The following EPB41 variants were observed in gnomAD, a reference collection of about 807,000 sequenced individuals.
The protein encoded by EPB41 is protein 4.1.
In EPB41, 65 loss-of-function variants were observed where a neutral mutation model predicts 108.0. The ratio of observed to expected loss-of-function variants is 0.60; its 90% CI spans 0.49 to 0.74. EPB41 has a LOEUF of 0.74. Ranked by LOEUF, EPB41 falls within the 30% of genes least tolerant of loss-of-function variation. The pLI, the probability that EPB41 is intolerant of heterozygous loss-of-function variation, is 0.00. For missense variants in EPB41, 875 were observed against 1,037.0 expected (o/e 0.84, Z 2.15); for synonymous variants, 336 against 358.9 (o/e 0.94, Z 0.72).
At position 29,109,354 on chromosome 1, in the gene EPB41, G is replaced by T. The variant is rs758031577; in HGVS notation, c.2332G>T (p.Asp778Tyr). The T allele has an allele frequency of 1.2e-6, 2 of 1,614,116 alleles. No individual in the cohort carries two copies. Among genetic ancestry groups the T allele is most frequent in the Admixed American group, 3.3e-5 (2 of 60,014 alleles). Residue 778 changes from aspartate (D) to tyrosine (Y), a missense_variant, in exon 18 of 21, where the codon GAC becomes TAC. Around this residue, in one of 3 missense-constraint regions of EPB41, gnomAD observed 519 missense variants for 627.3 expected, o/e 0.83. Coordinates refer to ENST00000343067, the MANE Select transcript of EPB41 (RefSeq NM_001376013.1). ...TCTGCAGACTGACGACAACAGTGGAGACTTGGACCCAGGAGTCTTGCTGAC... is the reference window on the plus strand; with the variant it reads ...TCTGCAGACTGACGACAACAGTGGATACTTGGACCCAGGAGTCTTGCTGAC... ...EAAQTDDNSG[D>Y]LDPGVLLTAQ...
intron 15 of EPB41, among the ~76,000 whole-genome samples, chr1:29,063,753 T>G (rs1558202370): frequency 6.6e-6 from 1 of 152,214 alleles, no homozygotes; most frequent in Non-Finnish European, 1.5e-5. Context: ...AAACACAGAA[T>G]TTTTTACAGT....
chr1:28,905,150 G>A (rs1381931582), intron 1 of EPB41, among the ~76,000 whole-genome samples: 1 of 152,010 alleles, frequency 6.6e-6, no homozygotes, highest in African/African-American at 2.4e-5. Flanking sequence ...AGTGAGGCGA[G>A]ATTGCGCCAC....
At chr1:28,936,048 T>G (rs1001563544) in intron 1 of EPB41, among the ~76,000 whole-genome samples, 6 of 152,234 alleles carry the variant, frequency 3.9e-5, no homozygotes, top group Non-Finnish European at 5.9e-5. Context: ...CTTCTTACGC[T>G]GTTCTAACCT....
intron 7 of EPB41, among the ~76,000 whole-genome samples, chr1:29,027,489 G>A (rs1422769878): frequency 9.2e-5 from 14 of 151,796 alleles, no homozygotes; most frequent in South Asian, 2.1e-4. Flanking sequence ...GTGCCACCAC[G>A]CCCGGCTAAT....
chr1:28,919,136 G>C (rs773505092), intron 1 of EPB41, among the ~76,000 whole-genome samples: 5 of 152,190 alleles, frequency 3.3e-5, no homozygotes, highest in African/African-American at 4.8e-5. Flanking sequence ...CCACCTTACT[G>C]ACACTTTGCT....
intron 16 of EPB41, among the ~76,000 whole-genome samples, chr1:29,087,650 T>A (rs1436111943): frequency 6.6e-6 from 1 of 152,192 alleles, no homozygotes; most frequent in Non-Finnish European, 1.5e-5. Context: ...CGTGAGCCAC[T>A]GCGCCCGGCC....
chr1:28,972,947 G>A (rs1375837387), intron 1 of EPB41, among the ~76,000 whole-genome samples: 1 of 152,076 alleles, frequency 6.6e-6, no homozygotes, highest in Non-Finnish European at 1.5e-5. Flanking sequence ...GAGGATAGAG[G>A]AAGAATTCTG....
intron 4 of EPB41, among the ~76,000 whole-genome samples, chr1:29,005,108 T>C (rs1479502509): frequency 6.6e-6 from 1 of 152,168 alleles, no homozygotes; most frequent in East Asian, 1.9e-4. Context: ...GGAGGTTTAA[T>C]TGGCTCATGG....
At chr1:29,038,140 G>C (rs1317284073) in intron 10 of EPB41, among the ~76,000 whole-genome samples, 2 of 152,044 alleles carry the variant, frequency 1.3e-5, no homozygotes, top group Non-Finnish European at 1.5e-5. Context: ...CACAGTCAAC[G>C]AGAAGAAAAT....
At position 28,951,225 on chromosome 1, in the gene EPB41, G is replaced by A. The variant is rs554439808; in HGVS notation, c.-7-36206G>A. Reference sequence around the variant, plus strand: ...TTATGGCTTTTGGTTTTTAATTATTGAGAAAATATATCTATAAAAGCTGAC... The same window carrying A: ...TTATGGCTTTTGGTTTTTAATTATTAAGAAAATATATCTATAAAAGCTGAC... On this transcript the variant is annotated intron_variant, in intron 1 of 20. Coordinates refer to ENST00000343067, the MANE Select transcript of EPB41 (RefSeq NM_001376013.1). 2.3e-4 allele frequency among the ~76,000 whole-genome samples: 35 copies of A among 151,978 alleles called. No homozygotes were observed. The South Asian group carries it at 6.4e-3, about 28-fold the overall frequency.
chr1:28,889,504 G>A (rs922423893), intron 1 of EPB41, among the ~76,000 whole-genome samples: 3 of 152,384 alleles, frequency 2.0e-5, no homozygotes, highest in Admixed American at 2.0e-4. Context: ...CCAGACGAGT[G>A]CGGGTAGAGC....
intron 9 of EPB41, among the ~76,000 whole-genome samples, chr1:29,034,967 T>TTTG (rs1331013219): frequency 5.7e-5 from 8 of 141,428 alleles, no homozygotes; most frequent in Non-Finnish European, 6.0e-5. Flanking sequence ...GGTTTGTTTG[T>TTTG]TTGTTGTTTT....
At chr1:29,077,589 G>C (rs913578093) in intron 16 of EPB41, among the ~76,000 whole-genome samples, 1 of 152,090 alleles carries the variant, frequency 6.6e-6, no homozygotes, top group Admixed American at 6.6e-5. Flanking sequence ...ACTTTTTCTT[G>C]TGTTTTACGT....
At chr1:28,961,085 CTCTT>C (rs925920868) in intron 1 of EPB41, among the ~76,000 whole-genome samples, 1 of 148,830 alleles carries the variant, frequency 6.7e-6, no homozygotes, top group East Asian at 2.0e-4. Flanking sequence ...TTTGATGTGT[CTCTT>C]TCTTTCTTTT....
chr1:28,937,424 C>T (rs754082447), intron 1 of EPB41, among the ~76,000 whole-genome samples: 2 of 152,092 alleles, frequency 1.3e-5, no homozygotes, highest in Admixed American at 6.5e-5. Context: ...GGCAGAGTCT[C>T]GCTCTTGTCG....
chr1:29,093,549 A>G (rs931037941), intron 16 of EPB41, among the ~76,000 whole-genome samples: 1 of 152,196 alleles, frequency 6.6e-6, no homozygotes, highest in Non-Finnish European at 1.5e-5. Flanking sequence ...AAGTTTAATT[A>G]GATCCCATTT....
In EPB41 at chr1:29,053,266, A is replaced by T; in HGVS notation, c.1799A>T (p.Asp600Val). ...ETVKAEVKKE[D>V]EPPEQAEPEP... ...GTGAAGGCTGAAGTGAAAAAGGAAG[A>T]CGAGCCACCTGAGCAAGCTGAGCCA... is the stretch of plus-strand genomic sequence containing the variant. Residue 600 changes from aspartate to valine, a missense_variant, in exon 12 of 21, where the codon GAC becomes GTC. Asp to Val is a radical substitution (Grantham distance 152, BLOSUM62 -3). Transcript: ENST00000343067. 1 of 1,614,202 alleles carries T rather than the reference A, an allele frequency of 6.2e-7. No individual in the cohort carries two copies. Among genetic ancestry groups the T allele is most frequent in the African/African-American group, 1.3e-5 (1 of 75,064 alleles).
chr1:28,890,866 C>G (rs1463199775), intron 1 of EPB41: 1 of 964,160 alleles, frequency 1.0e-6, no homozygotes, highest in Non-Finnish European at 1.2e-6. Flanking sequence ...GCCTCCACCC[C>G]ACGGGTACTG....
chr1:28,948,774 C>T (rs169448), intron 1 of EPB41, among the ~76,000 whole-genome samples: 25,918 of 151,144 alleles, frequency 0.17, 2,739 homozygotes, highest in East Asian at 0.48. Context: ...TATGGTGAAA[C>T]CCTGTCTCTA....
Sources: allele counts gnomAD v4.1 joint callset (sites outside exome capture counted in the v4.1 genomes callset), GRCh38; gene constraint gnomAD v4.1.1; regional missense constraint gnomAD v4.1.1; transcripts MANE v1.5; gene names NCBI Gene and HGNC (gene_info 2026-07-23, HGNC 2026-07-21).